Variants in WDR20 observed in about 807,000 individuals in gnomAD.
WDR20 encodes the protein WD repeat-containing protein 20.
In WDR20, 3 loss-of-function variants were observed where a neutral mutation model predicts 38.7. The observed-to-expected ratio is 0.08, with a 90% CI of 0.04 to 0.20. WDR20 has a LOEUF of 0.20. WDR20 is among the 10% of genes least tolerant of loss of function. The pLI, the probability that WDR20 is intolerant of heterozygous loss-of-function variation, is 1.00. For synonymous variants in WDR20, 298 were observed against 285.6 expected (o/e 1.04, Z -0.44); for missense variants, 559 against 727.7 (o/e 0.77, Z 2.67).
At chr14:102,139,669 C>G (rs1566747549), upstream of WDR20, 10 of 653,202 alleles carry the variant, frequency 1.5e-5, no homozygotes, top group African/African-American at 3.7e-5. Context: ...GCAGCCATGC[C>G]GCCCGGAGGC....
At chr14:102,197,347 C>T (rs114958052) in intron 2 of WDR20, among the ~76,000 whole-genome samples, 2,286 of 152,224 alleles carry the variant, frequency 0.015, 65 homozygotes, top group African/African-American at 0.052. Flanking sequence ...GTCAGCACAG[C>T]GATATGAACA....
chr14:102,151,630 C>G (rs1429406233), intron 1 of WDR20, among the ~76,000 whole-genome samples: 1 of 152,026 alleles, frequency 6.6e-6, no homozygotes, highest in Admixed American at 6.6e-5. Context: ...TTCAAACGAT[C>G]TTCCTTCCTT....
At chr14:102,214,688 A>C, downstream of WDR20, 2 of 983,260 alleles carry the variant, frequency 2.0e-6, no homozygotes, top group Non-Finnish European at 2.4e-6. Flanking sequence ...TCAAAAGTAA[A>C]ATTCACATGT....
At chr14:102,175,044 A>G (rs1398086375) in intron 1 of WDR20, among the ~76,000 whole-genome samples, 1 of 152,184 alleles carries the variant, frequency 6.6e-6, no homozygotes, top group Non-Finnish European at 1.5e-5. Flanking sequence ...TTTGCTGTGC[A>G]GAAGTTTTTT....
chr14:102,200,753 G>T (rs187233364), intron 2 of WDR20, among the ~76,000 whole-genome samples: 1 of 152,174 alleles, frequency 6.6e-6, no homozygotes, highest in African/African-American at 2.4e-5. Flanking sequence ...TTACTGACAC[G>T]ATACCCTCTG....
At chr14:102,149,856 C>T (rs947881701) in intron 1 of WDR20, among the ~76,000 whole-genome samples, 1 of 152,134 alleles carries the variant, frequency 6.6e-6, no homozygotes, top group African/African-American at 2.4e-5. Context: ...CCACGCCCGG[C>T]TAATTTTTGT....
In WDR20 at chr14:102,222,174, G is replaced by T. The variant is rs1308363234; in HGVS notation, c.1693-656G>T. ...ACCATTCTTCCTGCTGGCCCTGGTG[G>T]GTTGGCCCCCACATCCCTTCTCCAC... is the stretch of plus-strand genomic sequence containing the variant. On this transcript the variant is annotated intron_variant, in intron 3 of 3. Coordinates refer to the WDR20 transcript ENST00000335263. The surrounding 1 kb of genome is among the most constrained non-coding windows in gnomAD (Gnocchi z 4.4). Among the ~76,000 whole-genome samples the T allele has an allele frequency of 6.6e-6, 1 of 151,808 alleles. No homozygotes were observed. Among genetic ancestry groups the T allele is most frequent in the Non-Finnish European group, 1.5e-5 (1 of 67,950 alleles).
chr14:102,166,851 A>G (rs79833120), intron 1 of WDR20, among the ~76,000 whole-genome samples: 1,928 of 152,218 alleles, frequency 0.013, 43 homozygotes, highest in African/African-American at 0.044. Context: ...TCTCTGAAGT[A>G]TATATCTTGA....
At chr14:102,190,243 C>G (rs1467687668) in intron 1 of WDR20, among the ~76,000 whole-genome samples, 1 of 152,112 alleles carries the variant, frequency 6.6e-6, no homozygotes, top group Non-Finnish European at 1.5e-5. Context: ...TGTAAAGTTC[C>G]TGGTGCAGGC....
intron 1 of WDR20, among the ~76,000 whole-genome samples, chr14:102,177,227 A>G (rs2062350627): frequency 6.6e-6 from 1 of 152,158 alleles, no homozygotes; most frequent in African/African-American, 2.4e-5. Context: ...GTTTTCACAC[A>G]CTTGTTTATC....
At chr14:102,170,786 C>A (rs544921948) in intron 1 of WDR20, among the ~76,000 whole-genome samples, 2 of 152,108 alleles carry the variant, frequency 1.3e-5, no homozygotes, top group East Asian at 3.9e-4. Context: ...CACCACCATG[C>A]CCAGCTTTTT....
chr14:102,199,643 C>T (rs1248869926), intron 2 of WDR20, among the ~76,000 whole-genome samples: 2 of 152,146 alleles, frequency 1.3e-5, no homozygotes, highest in Non-Finnish European at 1.5e-5. Context: ...GAATCCCCAG[C>T]ATCAGTTACT....
intron 2 of WDR20, among the ~76,000 whole-genome samples, chr14:102,197,194 C>T (rs1243834248): frequency 6.6e-6 from 1 of 152,112 alleles, no homozygotes; most frequent in Non-Finnish European, 1.5e-5. Flanking sequence ...GATCAGGTAG[C>T]AAGTTGATGA....
In WDR20 at chr14:102,140,081, T is replaced by A; in HGVS notation, c.158T>A (p.Val53Glu). The change falls in exon 1 of 3, where the codon GTA becomes GAA. Residue 53 changes from valine (V) to glutamate (E), a missense_variant. By Grantham distance (121) the Val-to-Glu change is moderately radical. Transcript: ENST00000342702. ...QGSNPVRVSFVNLNDQSGNGD... is the reference protein window; with the variant it reads ...QGSNPVRVSFENLNDQSGNGD... ...TCCAACCCTGTCCGCGTCTCCTTCG[T>A]AAACCTCAACGACCAGTCTGGCAAC... The A allele has an allele frequency of 6.2e-7, 1 of 1,614,140 alleles. No individual in the cohort carries two copies. The highest frequency in any genetic ancestry group is 2.2e-5 in the East Asian group (1 of 44,870).
At chr14:102,166,150 C>G (rs1425953113) in intron 1 of WDR20, among the ~76,000 whole-genome samples, 1 of 140,470 alleles carries the variant, frequency 7.1e-6, no homozygotes, top group Non-Finnish European at 1.5e-5. Context: ...TAGGCGTGTA[C>G]CACCACGCCT....
chr14:102,207,303 G>C lies in WDR20; in HGVS notation c.433-1300G>C, dbSNP rs149415923. On this transcript the variant is annotated intron_variant, in intron 2 of 2. Coordinates refer to ENST00000342702, the MANE Select transcript of WDR20 (RefSeq NM_144574.4). The surrounding 1 kb of genome is among the most constrained non-coding windows in gnomAD (Gnocchi z 5.0). ...GGTCTAATGTTCATGCAGTGAGCTT[G>C]CATGGCTCATTAATTTCTTTCCCAG... Among the ~76,000 whole-genome samples, 1 of 152,346 alleles carries C rather than the reference G, an allele frequency of 6.6e-6. No homozygotes were observed. The highest frequency in any genetic ancestry group is 1.9e-4 in the East Asian group (1 of 5,184).
At chr14:102,184,555 G>A (rs1418980504) in intron 1 of WDR20, among the ~76,000 whole-genome samples, 5 of 151,978 alleles carry the variant, frequency 3.3e-5, no homozygotes, top group Non-Finnish European at 7.4e-5. Flanking sequence ...TTCCCCTGGT[G>A]GCCACCCTCT....
chr14:102,140,660 G>C (rs2050657835), intron 1 of WDR20, among the ~76,000 whole-genome samples: 1 of 152,202 alleles, frequency 6.6e-6, no homozygotes, highest in Admixed American at 6.5e-5. Flanking sequence ...GACTAGGTCA[G>C]AAAGAACCTG....
downstream of WDR20, among the ~76,000 whole-genome samples, chr14:102,223,946 G>A (rs776431483): frequency 1.4e-4 from 21 of 151,854 alleles, no homozygotes; most frequent in African/African-American, 1.9e-4. Flanking sequence ...TCCTCCTTTC[G>A]TCATTGAAAG....
Sources: allele counts gnomAD v4.1 joint callset (sites outside exome capture counted in the v4.1 genomes callset), GRCh38; gene constraint gnomAD v4.1.1; non-coding constraint Gnocchi (gnomAD v3.1); transcripts MANE v1.5; gene names NCBI Gene and HGNC (gene_info 2026-07-23, HGNC 2026-07-21).